Variants in UBE2D2 observed in about 807,000 individuals in gnomAD.
UBE2D2 encodes the protein ubiquitin-conjugating enzyme E2 D2.
Under a neutral mutation model 24.2 loss-of-function variants are expected in UBE2D2, and 2 were observed. The ratio of observed to expected loss-of-function variants is 0.08; its 90% CI spans 0.03 to 0.26. The LOEUF is 0.26. Ranked by LOEUF, UBE2D2 falls within the 10% of genes least tolerant of loss-of-function variation. UBE2D2 has a pLI of 1.00. For missense variants in UBE2D2, 44 were observed against 177.6 expected (o/e 0.25, Z 4.28); for synonymous variants, 58 against 56.5 (o/e 1.03, Z -0.12).
intron 2 of UBE2D2, among the ~76,000 whole-genome samples, chr5:139,613,426 C>G (rs1216685677): frequency 6.6e-6 from 1 of 152,112 alleles, no homozygotes; most frequent in African/African-American, 2.4e-5. Flanking sequence ...AAAACTCTGG[C>G]TTTTGATCTC....
At chr5:139,619,629 C>T (rs571699153) in intron 5 of UBE2D2, among the ~76,000 whole-genome samples, 30 of 152,106 alleles carry the variant, frequency 2.0e-4, no homozygotes, top group Non-Finnish European at 4.0e-4. Flanking sequence ...TTTGGGAGGC[C>T]GAGATGCGCA....
chr5:139,575,867 A>G (rs571510412), intron 1 of UBE2D2, among the ~76,000 whole-genome samples: 1 of 152,266 alleles, frequency 6.6e-6, no homozygotes, highest in African/African-American at 2.4e-5. Context: ...AAACTGCAAA[A>G]CTTAGCCAGG....
intron 1 of UBE2D2, among the ~76,000 whole-genome samples, chr5:139,568,476 G>A (rs373102481): frequency 7.2e-5 from 11 of 151,956 alleles, no homozygotes; most frequent in African/African-American, 2.4e-4. Context: ...TGGCTAACAC[G>A]GTGAAACCCC....
intron 1 of UBE2D2, among the ~76,000 whole-genome samples, chr5:139,537,731 A>T (rs111417076): frequency 6.6e-6 from 1 of 151,622 alleles, no homozygotes; most frequent in South Asian, 2.1e-4. Context: ...TTGGGAGGCC[A>T]AGGTGGGCGG....
intron 2 of UBE2D2, among the ~76,000 whole-genome samples, chr5:139,611,548 A>G (rs369693448): frequency 3.3e-5 from 5 of 152,140 alleles, no homozygotes; most frequent in African/African-American, 1.2e-4. Flanking sequence ...GAAATAAATC[A>G]CTATTGAAAT....
At chr5:139,602,203 C>A (rs1195885896) in intron 2 of UBE2D2, among the ~76,000 whole-genome samples, 1 of 152,160 alleles carries the variant, frequency 6.6e-6, no homozygotes, top group Non-Finnish European at 1.5e-5. Flanking sequence ...AGGCACCTGC[C>A]ACCACACCTG....
Position 139,531,625 on chromosome 5 carries a change from C to CAAAAAAAA in UBE2D2, c.-64+5019_-64+5026dup, listed in dbSNP as rs112323447. On this transcript the variant is annotated intron_variant, in intron 1 of 6. Coordinates refer to the UBE2D2 transcript ENST00000511725. Reference sequence around the variant, plus strand: ...TTGGGTGACAGAGTGAGACCCTATCCAAAAAAAAAAAAAGAAAGAAAAAGA... The same window carrying CAAAAAAAA: ...TTGGGTGACAGAGTGAGACCCTATCCAAAAAAAAAAAAAAAAAAAAAGAAAGAAAAAGA... Among the ~76,000 whole-genome samples, 163 of 97,324 alleles carry CAAAAAAAA rather than the reference C, an allele frequency of 1.7e-3. 1 individual carries two copies. Among genetic ancestry groups the CAAAAAAAA allele is most frequent in the East Asian group, 0.01 (38 of 3,720 alleles). 63.8% of individuals were successfully genotyped at this position (97,324 alleles called of 152,430 possible).
At chr5:139,594,109 G>A (rs375964568) in intron 1 of UBE2D2, among the ~76,000 whole-genome samples, 59 of 152,310 alleles carry the variant, frequency 3.9e-4, no homozygotes, top group African/African-American at 1.4e-3. Flanking sequence ...ACCATAGGGT[G>A]AGGACCAACA....
chr5:139,529,940 C>T (rs892439185), intron 1 of UBE2D2, among the ~76,000 whole-genome samples: 3 of 152,038 alleles, frequency 2.0e-5, no homozygotes, highest in African/African-American at 7.2e-5. Context: ...ATGGGAAGCC[C>T]GAAAATTAGT....
At chr5:139,616,161 C>G (rs1754415438) in intron 5 of UBE2D2, among the ~76,000 whole-genome samples, 2 of 144,344 alleles carry the variant, frequency 1.4e-5, no homozygotes, top group Admixed American at 6.9e-5. Context: ...TAAAGGAAAA[C>G]AAAAACAAGT....
chr5:139,536,552 C>T lies in UBE2D2; in HGVS notation c.-64+9940C>T, dbSNP rs377025512. On this transcript the variant is annotated intron_variant, in intron 1 of 6. Coordinates refer to the UBE2D2 transcript ENST00000511725. ...CTAATTTTTTGTATTTTAGTAGAGA[C>T]GCCCTGTTGTCCCGGATGGTCTGGA... 4.6e-4 allele frequency among the ~76,000 whole-genome samples: 70 copies of T among 152,116 alleles called. 1 individual carries two copies. Among genetic ancestry groups the T allele is most frequent in the African/African-American group, 1.5e-3 (61 of 41,506 alleles).
chr5:139,562,322 C>G (rs765371980), intron 1 of UBE2D2: 1 of 1,348,384 alleles, frequency 7.4e-7, no homozygotes, highest in Non-Finnish European at 9.8e-7. Flanking sequence ...CCTGAGTTCA[C>G]TTACCTCTTG....
At chr5:139,535,645 T>C (rs1362279343) in intron 1 of UBE2D2, among the ~76,000 whole-genome samples, 1 of 151,898 alleles carries the variant, frequency 6.6e-6, no homozygotes, top group African/African-American at 2.4e-5. Context: ...ATTCAAAAGT[T>C]CTCTAATAGA....
At chr5:139,554,998 A>G (rs1752961873) in intron 1 of UBE2D2, 1 of 151,972 alleles carries the variant, frequency 6.6e-6, no homozygotes, top group Non-Finnish European at 1.5e-5. Context: ...CATTCATATT[A>G]GCCGCTCATT....
rs762452641 is a variant in UBE2D2 at position 139,626,900 on chromosome 5, G to A, written c.*99G>A. On this transcript the variant is annotated 3_prime_UTR_variant, in exon 7 of 7. Coordinates refer to ENST00000398733, the MANE Select transcript of UBE2D2 (RefSeq NM_003339.3). Reference sequence around the variant, plus strand: ...ATTTGACTGCTTTCTATGAGCCCACGCCTCATCTTCCCCTGTGCACATGTT... The same window carrying A: ...ATTTGACTGCTTTCTATGAGCCCACACCTCATCTTCCCCTGTGCACATGTT... 1.2e-5 allele frequency: 12 copies of A among 967,610 alleles called. No homozygotes were observed. Among genetic ancestry groups the A allele is most frequent in the African/African-American group, 3.3e-5 (2 of 61,114 alleles). 59.9% of individuals were successfully genotyped at this position (967,610 alleles called of 1,614,324 possible).
At chr5:139,589,532 G>A (rs184715178) in intron 1 of UBE2D2, among the ~76,000 whole-genome samples, 49 of 152,214 alleles carry the variant, frequency 3.2e-4, no homozygotes, top group African/African-American at 1.2e-3. Flanking sequence ...CTGTGCGACA[G>A]TGAGACCCTG....
At chr5:139,566,769 A>G (rs1328529870) in intron 1 of UBE2D2, among the ~76,000 whole-genome samples, 3 of 152,152 alleles carry the variant, frequency 2.0e-5, no homozygotes, top group African/African-American at 7.2e-5. Flanking sequence ...GGAGCTAGAA[A>G]ATGCATGTGC....
chr5:139,600,578 C>T, intron 2 of UBE2D2, 143 bp downstream of exon 2: 1 of 759,848 alleles, frequency 1.3e-6, no homozygotes. Flanking sequence ...CCATTATCAT[C>T]TGTGTTGTTC....
At chr5:139,597,149 T>C (rs905851429) in intron 1 of UBE2D2, among the ~76,000 whole-genome samples, 6 of 152,172 alleles carry the variant, frequency 3.9e-5, no homozygotes, top group African/African-American at 1.4e-4. Context: ...TTGTCCAATC[T>C]CTACCAAAAT....
Sources: gnomAD v4.1 joint callset for allele counts (sites outside exome capture counted in the v4.1 genomes callset) on GRCh38, gnomAD v4.1.1 for gene constraint, MANE v1.5 for transcripts, NCBI Gene and HGNC (gene_info 2026-07-23, HGNC 2026-07-21) for gene names.